The following RSRP1 variants were observed in gnomAD, a reference collection of about 807,000 sequenced individuals.
RSRP1 encodes arginine/serine-rich protein 1.
A neutral mutation model predicts 33.0 loss-of-function variants in RSRP1; 37 were observed. The ratio of observed to expected loss-of-function variants is 1.12; its 90% CI spans 0.86 to 1.48. RSRP1 has a LOEUF of 1.48. Among genes scored for constraint, RSRP1 ranks in the 40% most tolerant of loss-of-function variants. The pLI is 0.00. For synonymous variants in RSRP1, 167 were observed against 158.7 expected (o/e 1.05, Z -0.40); for missense variants, 402 against 385.3 (o/e 1.04, Z -0.36).
Position 25,302,508 on chromosome 1 carries a change from C to T in RSRP1, c.-67+35470G>A, listed in dbSNP as rs397843508. On this transcript the variant is annotated intron_variant, in intron 1 of 1. Coordinates refer to the RSRP1 transcript ENST00000561867. ...ATGGTGACAGAAAGTCTAAGACACC[C>T]AGCAAGGCAGGAGTGGGTGTCAACT... 1.5e-4 allele frequency among the ~76,000 whole-genome samples: 19 copies of T among 129,662 alleles called. 4 individuals are homozygous for T. Among genetic ancestry groups the T allele is most frequent in the Middle Eastern group, 4.2e-3 (1 of 240 alleles). The allele number at this position is 129,662 out of a possible 152,430, so 85.1% of individuals were successfully genotyped here.
intron 1 of RSRP1, among the ~76,000 whole-genome samples, chr1:25,252,595 A>T (rs1639824074): frequency 6.8e-6 from 1 of 146,598 alleles, no homozygotes; most frequent in East Asian, 2.0e-4. Flanking sequence ...GTGCAATGGC[A>T]CGATCTCGGC....
intron 1 of RSRP1, among the ~76,000 whole-genome samples, chr1:25,281,279 CTT>C (rs1641470281): frequency 7.8e-6 from 1 of 128,866 alleles, no homozygotes; most frequent in Non-Finnish European, 1.8e-5. Context: ...CTTTCATAAA[CTT>C]TTCCTGAAGG....
chr1:25,247,460 A>G (rs1639569270), upstream of RSRP1: 1 of 154,574 alleles, frequency 6.5e-6, no homozygotes, highest in African/African-American at 2.4e-5. Flanking sequence ...GCACTGAGGG[A>G]CTACGTTAGC....
At chr1:25,261,705 A>AC (rs1483635530) in intron 1 of RSRP1, among the ~76,000 whole-genome samples, 2 of 93,690 alleles carry the variant, frequency 2.1e-5, no homozygotes, top group African/African-American at 9.0e-5. Context: ...CGCCCAGCAG[A>AC]TTTTTTTTTT....
chr1:25,321,348 T>TCAAA (rs1260686641), intron 1 of RSRP1, among the ~76,000 whole-genome samples: 1 of 112,270 alleles, frequency 8.9e-6, no homozygotes, highest in African/African-American at 3.1e-5. Flanking sequence ...GTTCTTTTTT[T>TCAAA]CAAAAAAAAA....
At position 25,299,447 on chromosome 1, in the gene RSRP1, T is replaced by A. The variant is rs181903094; in HGVS notation, c.-67+38531A>T. Among the ~76,000 whole-genome samples, 241 of 130,976 alleles carry A rather than the reference T, an allele frequency of 1.8e-3. 37 individuals are homozygous for A. Among genetic ancestry groups the A allele is most frequent in the African/African-American group, 5.9e-3 (223 of 38,092 alleles). 85.9% of individuals were successfully genotyped at this position (130,976 alleles called of 152,430 possible). A position where few individuals can be genotyped will look rare whatever the true frequency, so the allele number is the denominator to read the frequency against. ...ACTTTTTAGTTGGCTTTAGAATTCT[T>A]AGACACCCTCTACAGACAAGGCACC... On this transcript the variant is annotated intron_variant, in intron 1 of 1. Transcript: ENST00000561867.
At position 25,334,383 on chromosome 1, in the gene RSRP1, C is replaced by T. The variant is rs551923270; in HGVS notation, c.-67+3595G>A. ...GTTCCCATGGTCTTGGGCAGCTCTG[C>T]CCCTGTACCTTTGCAGGGTACAGCC... is the stretch of plus-strand genomic sequence containing the variant. On this transcript the variant is annotated intron_variant, in intron 1 of 1. Transcript: ENST00000561867. Among the ~76,000 whole-genome samples the T allele has an allele frequency of 6.0e-3, 800 of 132,496 alleles. 120 individuals carry two copies. The highest frequency in any genetic ancestry group is 0.019 in the African/African-American group (745 of 38,588). The allele number at this position is 132,496 out of a possible 152,430, so 86.9% of individuals were successfully genotyped here. A position where few individuals can be genotyped will look rare whatever the true frequency, so the allele number is the denominator to read the frequency against.
Position 25,331,994 on chromosome 1 carries a change from C to T in RSRP1, c.-67+5984G>A, listed in dbSNP as rs556226254. 5.3e-4 allele frequency among the ~76,000 whole-genome samples: 67 copies of T among 126,176 alleles called. 16 individuals carry two copies. In the Middle Eastern group the frequency reaches 0.026, roughly 48 times the overall value. 82.8% of individuals were successfully genotyped at this position (126,176 alleles called of 152,430 possible). A position where few individuals can be genotyped will look rare whatever the true frequency, so the allele number is the denominator to read the frequency against. On this transcript the variant is annotated intron_variant, in intron 1 of 1. Coordinates refer to the RSRP1 transcript ENST00000561867. ...TGACCTCGTGATCCACCTGCCTCAGCCTCCCAAAGTGCTGGGATTACAGGC... is the reference window on the plus strand; with the variant it reads ...TGACCTCGTGATCCACCTGCCTCAGTCTCCCAAAGTGCTGGGATTACAGGC...
At chr1:25,303,564 G>A (rs1472145798) in intron 1 of RSRP1, 11 of 1,154,342 alleles carry the variant, frequency 9.5e-6, no homozygotes, top group East Asian at 4.6e-5. Context: ...GGCAGGTGTC[G>A]GCGCATTCTC....
intron 1 of RSRP1, chr1:25,303,606 T>C: frequency 1.1e-6 from 1 of 905,274 alleles, no homozygotes; most frequent in East Asian, 2.5e-5. Flanking sequence ...GAGGGATCCA[T>C]CCTGGCTCGG....
intron 3 of RSRP1, chr1:25,244,710 G>A: frequency 8.5e-7 from 1 of 1,182,592 alleles, no homozygotes; most frequent in East Asian, 5.8e-5. Context: ...TTTGAGACAG[G>A]GTCTCGCTCT....
intron 1 of RSRP1, among the ~76,000 whole-genome samples, chr1:25,262,597 G>A (rs1640194285): frequency 6.6e-6 from 1 of 152,120 alleles, no homozygotes; most frequent in Non-Finnish European, 1.5e-5. Context: ...GGAGACCCAG[G>A]GATACTGGTA....
chr1:25,280,658 C>A (rs1571588410), intron 1 of RSRP1, among the ~76,000 whole-genome samples: 1 of 111,266 alleles, frequency 9.0e-6, no homozygotes, highest in East Asian at 2.2e-4. Context: ...ACCCAGGCTG[C>A]TGGAGTGTAG....
chr1:25,300,302 A>G (rs1643284970), intron 1 of RSRP1, among the ~76,000 whole-genome samples: 1 of 129,130 alleles, frequency 7.7e-6, no homozygotes, highest in Non-Finnish European at 1.8e-5. Flanking sequence ...TCTTGAGCCC[A>G]GGAGTTCAAG....
rs1364237973 is a variant in RSRP1, at chr1:25,290,647, GC to G, written c.-66-43619del. 1.5e-5 allele frequency: 21 copies of G among 1,377,916 alleles called. 8 individuals carry two copies. The highest frequency in any genetic ancestry group is 2.1e-5 in the Non-Finnish European group (21 of 977,930). 85.4% of individuals were successfully genotyped at this position (1,377,916 alleles called of 1,614,324 possible). A position where few individuals can be genotyped will look rare whatever the true frequency, so the allele number is the denominator to read the frequency against. On this transcript the variant is annotated intron_variant, in intron 1 of 1. Transcript: ENST00000561867. Reference sequence around the variant, plus strand: ...CTCTCCCTCTCTCCCCCAGTATTCGGCTGGCCACCATGAGTGCTTTGTCGGT... The same window carrying G: ...CTCTCCCTCTCTCCCCCAGTATTCGGTGGCCACCATGAGTGCTTTGTCGGT...
Position 25,279,223 on chromosome 1 carries a change from C to T in RSRP1, c.-66-32194G>A, listed in dbSNP as rs1641270890. Among the ~76,000 whole-genome samples, 2 of 126,150 alleles carry T rather than the reference C, an allele frequency of 1.6e-5. 1 individual carries two copies. The highest frequency in any genetic ancestry group is 3.7e-5 in the Non-Finnish European group (2 of 53,832). 82.8% of individuals were successfully genotyped at this position (126,150 alleles called of 152,430 possible). ...TAAAGTCACACCGCTAATCAGCGGC[C>T]GGCACGGGGTAACAGTTACTAACAC... is the stretch of plus-strand genomic sequence containing the variant. On this transcript the variant is annotated intron_variant, in intron 1 of 1. Coordinates refer to the RSRP1 transcript ENST00000561867.
chr1:25,260,757 A>G (rs1260615037), intron 1 of RSRP1, among the ~76,000 whole-genome samples: 1 of 151,000 alleles, frequency 6.6e-6, no homozygotes, highest in African/African-American at 2.4e-5. Context: ...CTGTGTCCTC[A>G]TAGAGCCTGT....
rs568581465 is a variant in RSRP1, at chr1:25,282,455, G to C, written c.-66-35426C>G. Among the ~76,000 whole-genome samples the C allele has an allele frequency of 2.5e-4, 33 of 130,998 alleles. 2 individuals are homozygous for C. The East Asian group carries it at 5.7e-3, about 23-fold the overall frequency. 85.9% of individuals were successfully genotyped at this position (130,998 alleles called of 152,430 possible). A position where few individuals can be genotyped will look rare whatever the true frequency, so the allele number is the denominator to read the frequency against. On this transcript the variant is annotated intron_variant, in intron 1 of 1. Transcript: ENST00000561867. ...TCACCATGTTGGCCAGGCTAGTCTC[G>C]AACTGCTGACTTCATGATCTGCCCA...
intron 1 of RSRP1, among the ~76,000 whole-genome samples, chr1:25,277,555 C>T (rs1571577357): frequency 7.6e-6 from 1 of 131,134 alleles, no homozygotes; most frequent in African/African-American, 2.6e-5. Context: ...AGACCTTGGG[C>T]AGATTAGTCA....
Sources: allele counts gnomAD v4.1 joint callset (sites outside exome capture counted in the v4.1 genomes callset), GRCh38; gene constraint gnomAD v4.1.1; transcripts MANE v1.5; gene names NCBI Gene and HGNC (gene_info 2026-07-23, HGNC 2026-07-21).